Variants in NTM observed in about 807,000 individuals in gnomAD.
The protein encoded by NTM is IgLON family member 2.
A neutral mutation model predicts 42.1 loss-of-function variants in NTM; 13 were observed. The observed-to-expected ratio is 0.31, with a 90% CI of 0.20 to 0.49. The LOEUF is 0.49. Among genes scored for constraint, NTM ranks in the 20% least tolerant of loss-of-function variants. The pLI is 0.99. For synonymous variants in NTM, 187 were observed against 179.2 expected, an observed-to-expected ratio of 1.04 and a Z score of -0.35; for missense variants, 373 against 452.8, an observed-to-expected ratio of 0.82 and a Z score of 1.60.
chr11:131,884,266 G>A (rs571835561), intron 1 of NTM, among the ~76,000 whole-genome samples: 12 of 152,154 alleles, frequency 7.9e-5, no homozygotes, highest in African/African-American at 2.4e-4. Flanking sequence ...AAAATTAGCC[G>A]GACATGGTGG....
intron 1 of NTM, among the ~76,000 whole-genome samples, chr11:131,504,752 C>T (rs1024918411): frequency 7.9e-5 from 12 of 152,086 alleles, no homozygotes; most frequent in African/African-American, 2.9e-4. Flanking sequence ...CCCTGGATCT[C>T]TGTCTATTGA....
At chr11:131,385,189 C>A (rs897623532) in intron 1 of NTM, 4 of 152,184 alleles carry the variant, frequency 2.6e-5, no homozygotes, top group Admixed American at 2.0e-4. Flanking sequence ...ATCACATGCC[C>A]AGACAAAGTC....
intron 4 of NTM, among the ~76,000 whole-genome samples, chr11:132,262,316 G>T (rs1037376088): frequency 6.6e-6 from 1 of 152,214 alleles, no homozygotes; most frequent in Admixed American, 6.5e-5. Flanking sequence ...CAGGATTTCT[G>T]TGTATTTTAC....
chr11:132,045,123 T>A (rs1429294857), intron 2 of NTM, among the ~76,000 whole-genome samples: 2 of 152,150 alleles, frequency 1.3e-5, no homozygotes, highest in African/African-American at 2.4e-5. Context: ...AATGCAAAAA[T>A]CCTCAGTAAC....
At chr11:131,543,270 G>T (rs2053520331) in intron 1 of NTM, among the ~76,000 whole-genome samples, 1 of 152,180 alleles carries the variant, frequency 6.6e-6, no homozygotes, top group Non-Finnish European at 1.5e-5. Flanking sequence ...TTCCCATAAA[G>T]TGGCAGTCTC....
At chr11:131,753,356 A>G (rs2082831009) in intron 1 of NTM, among the ~76,000 whole-genome samples, 1 of 150,342 alleles carries the variant, frequency 6.7e-6, no homozygotes, top group South Asian at 2.1e-4. Flanking sequence ...ATCTAGAACT[A>G]GAAATACCAT....
At chr11:131,641,201 G>A (rs894824743) in intron 1 of NTM, among the ~76,000 whole-genome samples, 2 of 152,216 alleles carry the variant, frequency 1.3e-5, no homozygotes, top group African/African-American at 4.8e-5. Flanking sequence ...TCACTACACT[G>A]AGGAGTTCTG....
intron 2 of NTM, among the ~76,000 whole-genome samples, chr11:132,031,665 G>C (rs1326598526): frequency 6.6e-6 from 1 of 152,170 alleles, no homozygotes; most frequent in East Asian, 1.9e-4. Flanking sequence ...TAAGGCTTGA[G>C]ATACCTCTTA....
intron 1 of NTM, among the ~76,000 whole-genome samples, chr11:131,436,159 CT>C (rs1591657555): frequency 6.6e-6 from 1 of 152,270 alleles, no homozygotes; most frequent in East Asian, 1.9e-4. Flanking sequence ...GGTGGATAAG[CT>C]TTTTGATGTG....
rs12787364 is a variant in NTM, at chr11:132,221,695, G to A, written c.526+9548G>A. Among the ~76,000 whole-genome samples the A allele has an allele frequency of 9.0e-3, 1,367 of 152,294 alleles. 11 individuals carry two copies. Among genetic ancestry groups the A allele is most frequent in the Non-Finnish European group, 0.013 (875 of 68,026 alleles). On this transcript the variant is annotated intron_variant, in intron 4 of 8. Coordinates refer to ENST00000683400, the MANE Select transcript of NTM (RefSeq NM_001352005.2). ...GCTCAAGTTTGAGAACTGCTGCTGT[G>A]TAAATGTGCTCTGTGCCCAGCAATC...
intron 2 of NTM, among the ~76,000 whole-genome samples, chr11:132,129,478 C>G (rs562168165): frequency 1.3e-5 from 2 of 152,126 alleles, no homozygotes; most frequent in Non-Finnish European, 2.9e-5. Context: ...GACCCAGTAG[C>G]TTAGGCCCTG....
chr11:131,960,016 T>C (rs1236134703), intron 2 of NTM, among the ~76,000 whole-genome samples: 1 of 152,188 alleles, frequency 6.6e-6, no homozygotes, highest in African/African-American at 2.4e-5. Context: ...TGGAGGGTAG[T>C]TGTGTTATCC....
chr11:131,678,479 G>T (rs1416649360), intron 1 of NTM, among the ~76,000 whole-genome samples: 1 of 152,214 alleles, frequency 6.6e-6, no homozygotes, highest in Non-Finnish European at 1.5e-5. Flanking sequence ...GCTTGATCAT[G>T]GCAGAGAAAG....
intron 2 of NTM, among the ~76,000 whole-genome samples, chr11:132,031,642 C>G (rs2075932640): frequency 6.6e-6 from 1 of 152,096 alleles, no homozygotes; most frequent in Non-Finnish European, 1.5e-5. Flanking sequence ...ATCTGGAGTT[C>G]TACTTTCATC....
chr11:131,963,973 G>T (rs746696533), intron 2 of NTM, among the ~76,000 whole-genome samples: 9 of 152,160 alleles, frequency 5.9e-5, no homozygotes, highest in Non-Finnish European at 1.2e-4. Flanking sequence ...AACTAAGTAC[G>T]CTAGTTATAC....
intron 1 of NTM, among the ~76,000 whole-genome samples, chr11:131,409,602 G>T (rs771455290): frequency 1.2e-4 from 19 of 152,362 alleles, no homozygotes; most frequent in African/African-American, 2.2e-4. Flanking sequence ...CCTTGAGAAG[G>T]TCGAGCAGGC....
chr11:132,234,195 T>C (rs2088256455), intron 4 of NTM, among the ~76,000 whole-genome samples: 1 of 152,208 alleles, frequency 6.6e-6, no homozygotes, highest in East Asian at 1.9e-4. Context: ...TGGTTCTGGT[T>C]CTATCTATGG....
chr11:131,885,102 G>A (rs1021919452), intron 1 of NTM, among the ~76,000 whole-genome samples: 47 of 152,280 alleles, frequency 3.1e-4, no homozygotes, highest in African/African-American at 9.9e-4. Context: ...CAGAGGCCAC[G>A]GCTCTGAGGA....
chr11:131,994,853 A>G (rs1359428828), intron 2 of NTM, among the ~76,000 whole-genome samples: 1 of 152,124 alleles, frequency 6.6e-6, no homozygotes, highest in Non-Finnish European at 1.5e-5. Context: ...ATCCAACTTC[A>G]TATTCTGAAT....
Sources: gnomAD v4.1 joint callset for allele counts (sites outside exome capture counted in the v4.1 genomes callset) on GRCh38, gnomAD v4.1.1 for gene constraint, MANE v1.5 for transcripts, NCBI Gene and HGNC (gene_info 2026-07-23, HGNC 2026-07-21) for gene names.